PHACTR4: variants seen among roughly 807,000 people sequenced by gnomAD.
PHACTR4 encodes phosphatase and actin regulator 4, also known as protein phosphatase 1, regulatory subunit 124.
PHACTR4 carries 51 observed loss-of-function variants against 72.7 expected under a neutral mutation model. That is an observed-to-expected ratio of 0.70 (90% CI 0.56 to 0.89). The LOEUF is 0.89. Among genes scored for constraint, PHACTR4 ranks in the 40% least tolerant of loss-of-function variants. PHACTR4 has a pLI of 0.00. For missense variants in PHACTR4, 731 were observed against 861.8 expected, an observed-to-expected ratio of 0.85 and a Z score of 1.90; for synonymous variants, 255 against 302.5, an observed-to-expected ratio of 0.84 and a Z score of 1.63.
At chr1:28,405,355 C>G (rs986395301) in intron 1 of PHACTR4, among the ~76,000 whole-genome samples, 6 of 151,974 alleles carry the variant, frequency 3.9e-5, no homozygotes. Context: ...GAGACCGAAT[C>G]TTACTCTGTT....
At chr1:28,490,691 C>A (rs1557851841) in intron 10 of PHACTR4, among the ~76,000 whole-genome samples, 1 of 150,798 alleles carries the variant, frequency 6.6e-6, no homozygotes, top group African/African-American at 2.4e-5. Flanking sequence ...ACTAAAAATA[C>A]AAAAATCAGC....
chr1:28,406,673 T>C (rs1654348471), intron 1 of PHACTR4, among the ~76,000 whole-genome samples: 1 of 152,180 alleles, frequency 6.6e-6, no homozygotes, highest in East Asian at 1.9e-4. Flanking sequence ...AATTGGAGTT[T>C]AGTATTTAGA....
chr1:28,393,488 G>A (rs1653221372), intron 1 of PHACTR4, among the ~76,000 whole-genome samples: 1 of 152,178 alleles, frequency 6.6e-6, no homozygotes, highest in Non-Finnish European at 1.5e-5. Context: ...TGGTGATGTA[G>A]CCATCATGAT....
intron 2 of PHACTR4, among the ~76,000 whole-genome samples, chr1:28,438,759 A>G (rs893232325): frequency 6.6e-6 from 1 of 152,200 alleles, no homozygotes; most frequent in Non-Finnish European, 1.5e-5. Context: ...AATGCTACAG[A>G]AACTTATTTA....
rs560984371 is a variant in PHACTR4 at position 28,402,268 on chromosome 1, G to A, written c.-38-5142G>A. ...ACTCATGAATAGGGAATACCTGGGG[G>A]GGAAAAAATTGGGAGTGGGAAATCA... On this transcript the variant is annotated intron_variant, in intron 1 of 13. Coordinates refer to ENST00000373839, the MANE Select transcript of PHACTR4 (RefSeq NM_001048183.3). Among the ~76,000 whole-genome samples, 14 of 152,082 alleles carry A rather than the reference G, an allele frequency of 9.2e-5. 1 individual carries two copies. The highest frequency in any genetic ancestry group is 3.4e-4 in the African/African-American group (14 of 41,524).
intron 13 of PHACTR4, among the ~76,000 whole-genome samples, 174 bp downstream of exon 13, chr1:28,493,265 C>T (rs945549177): frequency 3.3e-5 from 5 of 152,082 alleles, no homozygotes; most frequent in Non-Finnish European, 7.4e-5. Context: ...AGGCCAGGTG[C>T]GGTGGCTCAC....
intron 2 of PHACTR4, among the ~76,000 whole-genome samples, chr1:28,444,065 C>T (rs1657245838): frequency 6.6e-6 from 1 of 151,914 alleles, no homozygotes; most frequent in Non-Finnish European, 1.5e-5. Context: ...GTATAGTGTT[C>T]CCTTTACTCT....
chr1:28,399,202 C>T (rs1186122093), intron 1 of PHACTR4, among the ~76,000 whole-genome samples: 1 of 152,110 alleles, frequency 6.6e-6, no homozygotes, highest in African/African-American at 2.4e-5. Flanking sequence ...ATCTCAGCTA[C>T]TGGGGAGGCT....
chr1:28,464,246 G>A (rs888925137), intron 4 of PHACTR4, among the ~76,000 whole-genome samples: 16 of 152,092 alleles, frequency 1.1e-4, no homozygotes, highest in African/African-American at 2.2e-4. Flanking sequence ...GATTACAGGC[G>A]TGAGCCACTA....
chr1:28,496,048 TTC>T (rs1661330290), intron 13 of PHACTR4, among the ~76,000 whole-genome samples: 2 of 143,568 alleles, frequency 1.4e-5, no homozygotes, highest in African/African-American at 5.3e-5. Flanking sequence ...AAGAGAAGAG[TTC>T]TTTTTTTTTT....
intron 2 of PHACTR4, among the ~76,000 whole-genome samples, chr1:28,433,318 T>C (rs987710795): frequency 6.6e-6 from 1 of 152,034 alleles, no homozygotes; most frequent in South Asian, 2.1e-4. Context: ...TCGTCCTACC[T>C]TTCTGCTTGT....
At chr1:28,473,516 A>C (rs1194374338) in intron 6 of PHACTR4, 38 bp from the exon 7 acceptor site, 9 of 1,486,752 alleles carry the variant, frequency 6.1e-6, no homozygotes, top group Non-Finnish European at 7.4e-6. Flanking sequence ...AAAGCATTGG[A>C]AAGTCGTGAA....
At chr1:28,405,550 C>T (rs1434879947) in intron 1 of PHACTR4, among the ~76,000 whole-genome samples, 1 of 150,836 alleles carries the variant, frequency 6.6e-6, no homozygotes, top group East Asian at 2.0e-4. Context: ...TGGTCTCAAA[C>T]TCCTGACCTC....
chr1:28,493,672 GT>G (rs1197770031), intron 13 of PHACTR4, among the ~76,000 whole-genome samples: 1 of 152,128 alleles, frequency 6.6e-6, no homozygotes, highest in Non-Finnish European at 1.5e-5. Context: ...GCTCACAATG[GT>G]TAAGTAACTT....
intron 6 of PHACTR4, 77 bp downstream of exon 6, chr1:28,466,845 A>G (rs963510031): frequency 2.0e-6 from 3 of 1,506,668 alleles, no homozygotes; most frequent in Non-Finnish European, 2.7e-6. Flanking sequence ...TAACTGGTAC[A>G]ACATTGATTT....
intron 2 of PHACTR4, among the ~76,000 whole-genome samples, chr1:28,409,067 G>A (rs1210303277): frequency 6.6e-6 from 1 of 151,314 alleles, no homozygotes; most frequent in African/African-American, 2.4e-5. Flanking sequence ...AAGGTTTAAT[G>A]TCTGCCTTTT....
chr1:28,447,962 G>A (rs1049491496), intron 2 of PHACTR4, among the ~76,000 whole-genome samples: 4 of 152,106 alleles, frequency 2.6e-5, no homozygotes, highest in Non-Finnish European at 2.9e-5. Context: ...TAATTTTGCC[G>A]AAGTTTTCTG....
chr1:28,373,840 A>C lies in PHACTR4; in HGVS notation c.-39+4015A>C, dbSNP rs142561753. Among the ~76,000 whole-genome samples the C allele has an allele frequency of 5.3e-5, 8 of 152,310 alleles. No individual in the cohort carries two copies. The East Asian group carries it at 1.5e-3, about 29-fold the overall frequency. The stretch of plus-strand genomic sequence containing the variant: ...CAGCTGATAAAGCCTAGCCTCTAAA[A>C]TGTTGAAGTGACTTGCCCAAGGTTA... On this transcript the variant is annotated intron_variant, in intron 1 of 13. Transcript: ENST00000373839.
At chr1:28,415,090 G>A (rs942085130) in intron 2 of PHACTR4, among the ~76,000 whole-genome samples, 14 of 151,774 alleles carry the variant, frequency 9.2e-5, no homozygotes, top group African/African-American at 2.2e-4. Context: ...GTGAAACCCC[G>A]CCTCTACTAA....
Sources: gnomAD v4.1 joint callset for allele counts (sites outside exome capture counted in the v4.1 genomes callset) on GRCh38, gnomAD v4.1.1 for gene constraint, MANE v1.5 for transcripts, NCBI Gene and HGNC (gene_info 2026-07-23, HGNC 2026-07-21) for gene names.